The following COPS8 variants were observed in gnomAD, a reference collection of about 807,000 sequenced individuals.
The protein encoded by COPS8 is COP9 signalosome complex subunit 8.
A neutral mutation model predicts 31.5 loss-of-function variants in COPS8; 11 were observed. The observed-to-expected ratio is 0.35, with a 90% CI of 0.22 to 0.58. COPS8 has a LOEUF of 0.58. Ranked by LOEUF, COPS8 falls within the 20% of genes least tolerant of loss-of-function variation. The probability of loss-of-function intolerance (pLI) is 0.83; values close to 1 mark genes in which losing one functional copy is unlikely to be tolerated. For synonymous variants in COPS8, 81 were observed against 89.3 expected, an observed-to-expected ratio of 0.91 and a Z score of 0.52; for missense variants, 215 against 255.1, an observed-to-expected ratio of 0.84 and a Z score of 1.07.
At position 237,096,813 on chromosome 2, in the gene COPS8, T is replaced by A. The variant is rs1175061805; in HGVS notation, c.503-9T>A. Reference sequence around the variant, plus strand: ...TAAATTGAGCTGTACATTTTTTTTTTGAATTTAGTTGCAGGGGCCCTGGAT... The same window carrying A: ...TAAATTGAGCTGTACATTTTTTTTTAGAATTTAGTTGCAGGGGCCCTGGAT... On this transcript the variant is annotated splice_polypyrimidine_tract_variant and intron_variant, in intron 6 of 7. Transcript: ENST00000354371. 6.2e-6 allele frequency: 10 copies of A among 1,607,512 alleles called. No homozygotes were observed. Among genetic ancestry groups the A allele is most frequent in the African/African-American group, 1.3e-5 (1 of 74,508 alleles).
Position 237,100,416 on chromosome 2 carries a change from C to T in COPS8, c.*2674C>T, listed in dbSNP as rs907384674. 5.3e-5 allele frequency: 8 copies of T among 152,094 alleles called. No individual in the cohort carries two copies. The highest frequency in any genetic ancestry group is 1.9e-4 in the African/African-American group (8 of 41,402). The allele number at this position is 152,094 out of a possible 1,614,324, so 9.4% of individuals were successfully genotyped here. A position where few individuals can be genotyped will look rare whatever the true frequency, so the allele number is the denominator to read the frequency against. ...GCCCACACAAACCTGATTGGGCAGC[C>T]CATCAGCAGTTGTGAACATGACATG... On this transcript the variant is annotated 3_prime_UTR_variant, in exon 8 of 8. Transcript: ENST00000354371.
rs894761005 is a variant in COPS8 at position 237,097,883 on chromosome 2, T to A, written c.*141T>A. 3.4e-6 allele frequency: 2 copies of A among 585,792 alleles called. No homozygotes were observed. The highest frequency in any genetic ancestry group is 3.8e-5 in the African/African-American group (2 of 53,324). 36.3% of individuals were successfully genotyped at this position (585,792 alleles called of 1,614,324 possible). ...TATGTGATAAAATACATATAGAATA[T>A]AAGATATACTATATACATTTTGTCC... On this transcript the variant is annotated 3_prime_UTR_variant, in exon 8 of 8. Coordinates refer to ENST00000354371, the MANE Select transcript of COPS8 (RefSeq NM_006710.5).
chr2:237,092,807 A>C (rs1696729964), intron 4 of COPS8, among the ~76,000 whole-genome samples: 1 of 152,154 alleles, frequency 6.6e-6, no homozygotes, highest in Non-Finnish European at 1.5e-5. Flanking sequence ...GGCAGTTTTT[A>C]AGGAATCTGA....
chr2:237,096,760 C>G (rs1267525106), intron 6 of COPS8, 62 bp from the exon 7 acceptor site: 2 of 1,295,210 alleles, frequency 1.5e-6, no homozygotes, highest in African/African-American at 1.5e-5. Flanking sequence ...ATAGCATGTT[C>G]TATGAAAGAT....
chr2:237,089,033 C>CT (rs1287235117), intron 3 of COPS8, among the ~76,000 whole-genome samples: 6 of 152,096 alleles, frequency 3.9e-5, no homozygotes, highest in African/African-American at 1.4e-4. Context: ...CAAGAATACT[C>CT]TAAGAATGAT....
chr2:237,093,894 T>C (rs1696749016), intron 4 of COPS8, 196 bp from the exon 5 acceptor site: 1 of 1,219,200 alleles, frequency 8.2e-7, no homozygotes, highest in Non-Finnish European at 1.0e-6. Context: ...GTGTAAGAAA[T>C]GTATTTTTTT....
intron 4 of COPS8, among the ~76,000 whole-genome samples, chr2:237,091,002 T>C (rs1030317498): frequency 3.9e-5 from 6 of 152,208 alleles, no homozygotes; most frequent in East Asian, 1.9e-4. Context: ...TGGACTTCCA[T>C]AGTATCCTCG....
rs763744436 is a variant in COPS8, at chr2:237,089,914, G to A, written c.251G>A (p.Arg84Lys). Residue 84 changes from arginine (R) to lysine (K), a missense_variant, in exon 4 of 8, where the codon AGA becomes AAA. Physicochemically the swap from Arg to Lys is conservative, Grantham distance 26. Transcript: ENST00000354371. ...IWSVGQRIWQ[R>K]DFPGIYTTIN... ...TCAGTAGGACAAAGAATCTGGCAGA[G>A]AGATTTCCCTGGGATCTATACAACC... The A allele has an allele frequency of 1.2e-5, 20 of 1,613,516 alleles. No homozygotes were observed. The highest frequency in any genetic ancestry group is 1.7e-5 in the Non-Finnish European group (20 of 1,179,934).
In COPS8 at chr2:237,089,946, G is replaced by A. The variant is rs1239765594; in HGVS notation, c.283G>A (p.Ala95Thr). Residue 95 changes from alanine (A) to threonine (T), a missense_variant, in exon 4 of 8, where the codon GCT (alanine) becomes ACT (threonine). By Grantham distance (58) the Ala-to-Thr change is moderately conservative. Coordinates refer to ENST00000354371, the MANE Select transcript of COPS8 (RefSeq NM_006710.5). ...CCCTGGGATCTATACAACCATCAAC[G>A]CTCACCAGTGGTCTGAGACGGTCCA... ...DFPGIYTTIN[A>T]HQWSETVQPI... The A allele has an allele frequency of 9.3e-6, 15 of 1,613,862 alleles. No individual in the cohort carries two copies. The highest frequency in any genetic ancestry group is 8.9e-5 in the East Asian group (4 of 44,884).
intron 1 of COPS8, among the ~76,000 whole-genome samples, chr2:237,086,310 C>T (rs1446028864): frequency 1.3e-5 from 2 of 152,120 alleles, no homozygotes. Flanking sequence ...TACCGATGAG[C>T]TCATATTAAT....
At chr2:237,093,597 C>A in intron 4 of COPS8, 1 of 696,524 alleles carries the variant, frequency 1.4e-6, no homozygotes, top group Non-Finnish European at 1.8e-6. Flanking sequence ...AACCTTAATT[C>A]AGTCAAGAGT....
In COPS8 at chr2:237,096,882, A is replaced by G. The variant is rs779544353; in HGVS notation, c.550+13A>G. On this transcript the variant is annotated intron_variant, in intron 7 of 7. Coordinates refer to ENST00000354371, the MANE Select transcript of COPS8 (RefSeq NM_006710.5). ...ATTCCCTTATCAGGTATGTATTTTC[A>G]TATGCACATTTTTTAATGTCTCATT... is the stretch of plus-strand genomic sequence containing the variant. 5 of 1,584,010 alleles carry G rather than the reference A, an allele frequency of 3.2e-6. No homozygotes were observed. The highest frequency in any genetic ancestry group is 3.5e-6 in the Non-Finnish European group (4 of 1,156,254).
rs1574838029 is a variant in COPS8, at chr2:237,093,682, A to G, written c.332-408A>G. The G allele has an allele frequency of 6.1e-6, 6 of 986,164 alleles. No homozygotes were observed. The Middle Eastern group carries it at 1.5e-3, about 254-fold the overall frequency. 61.1% of individuals were successfully genotyped at this position (986,164 alleles called of 1,614,324 possible). A position where few individuals can be genotyped will look rare whatever the true frequency, so the allele number is the denominator to read the frequency against. ...TCCCAGGTGTGGTCCTGTATTAGAG[A>G]CGTTTTTGAAAAGGACAGCTGATTA... On this transcript the variant is annotated intron_variant, in intron 4 of 7. Coordinates refer to ENST00000354371, the MANE Select transcript of COPS8 (RefSeq NM_006710.5).
intron 4 of COPS8, among the ~76,000 whole-genome samples, chr2:237,092,890 G>A (rs1327059234): frequency 4.6e-5 from 7 of 152,148 alleles, no homozygotes; most frequent in Non-Finnish European, 1.0e-4. Context: ...CATGTATTTG[G>A]CATATATTTC....
At chr2:237,089,756 A>T (rs1169528050) in intron 3 of COPS8, 106 bp from the exon 4 acceptor site, 1 of 1,086,726 alleles carries the variant, frequency 9.2e-7, no homozygotes, top group African/African-American at 1.6e-5. Context: ...GGTTTTAATG[A>T]TGTAGCTAAC....
intron 1 of COPS8, 147 bp from the exon 2 acceptor site, chr2:237,086,980 A>G (rs932645373): frequency 5.2e-6 from 3 of 573,880 alleles, no homozygotes; most frequent in Non-Finnish European, 8.9e-6. Context: ...TAATAGGACT[A>G]TAAGATTACT....
intron 6 of COPS8, among the ~76,000 whole-genome samples, chr2:237,096,389 C>T (rs1574839159): frequency 2.6e-5 from 4 of 152,112 alleles, no homozygotes; most frequent in Admixed American, 2.6e-4. Context: ...CTCAGTCTTC[C>T]TGTTGGAAGT....
intron 4 of COPS8, 26 bp from the exon 5 acceptor site, chr2:237,094,064 C>A: frequency 6.2e-7 from 1 of 1,610,158 alleles, no homozygotes; most frequent in Non-Finnish European, 8.5e-7. Context: ...GGTTCACTCT[C>A]TGCCAACCCA....
In COPS8 at chr2:237,086,870, A is replaced by T. The variant is rs1242798242; in HGVS notation, c.79-257A>T. On this transcript the variant is annotated intron_variant, in intron 1 of 7. Coordinates refer to ENST00000354371, the MANE Select transcript of COPS8 (RefSeq NM_006710.5). ...TACATATTCTTGAATGTATAAAGAA[A>T]CTGAAGCCCAAAGGGAGATAAATCA... is the stretch of plus-strand genomic sequence containing the variant. The T allele has an allele frequency of 7.1e-6, 3 of 423,878 alleles. No homozygotes were observed. The Admixed American group carries it at 1.4e-4, about 20-fold the overall frequency. 26.3% of individuals were successfully genotyped at this position (423,878 alleles called of 1,614,324 possible).
Sources: gnomAD v4.1 joint callset for allele counts (sites outside exome capture counted in the v4.1 genomes callset) on GRCh38, gnomAD v4.1.1 for gene constraint, MANE v1.5 for transcripts, NCBI Gene and HGNC (gene_info 2026-07-23, HGNC 2026-07-21) for gene names.